Variants in SPATA22 observed in about 807,000 individuals in gnomAD.
SPATA22 encodes spermatogenesis-associated protein 22.
SPATA22 carries 29 observed loss-of-function variants against 47.8 expected under a neutral mutation model. The ratio of observed to expected loss-of-function variants is 0.61; its 90% CI spans 0.45 to 0.83. The LOEUF (loss-of-function observed/expected upper bound fraction) is 0.83. Among genes scored for constraint, SPATA22 ranks in the 40% least tolerant of loss-of-function variants. SPATA22 has a pLI of 0.00. For missense variants in SPATA22, 410 were observed against 421.7 expected (o/e 0.97, Z 0.24); for synonymous variants, 133 against 140.9 (o/e 0.94, Z 0.40).
intron 1 of SPATA22, among the ~76,000 whole-genome samples, chr17:3,496,794 C>CAT (rs2073914351): frequency 6.6e-6 from 1 of 152,006 alleles, no homozygotes; most frequent in East Asian, 1.9e-4. Flanking sequence ...TGGCCAGGAG[C>CAT]GGTGGCTCAC....
intron 3 of SPATA22, among the ~76,000 whole-genome samples, chr17:3,464,618 A>G (rs1597406506): frequency 3.2e-5 from 4 of 123,588 alleles, no homozygotes; most frequent in Non-Finnish European, 5.0e-5. Context: ...TGTGGGGAGC[A>G]CCTTTGCCCC....
upstream of SPATA22, among the ~76,000 whole-genome samples, chr17:3,475,037 CATTATAA>C (rs1423708675): frequency 6.6e-6 from 1 of 152,206 alleles, no homozygotes; most frequent in Non-Finnish European, 1.5e-5. Flanking sequence ...AGTGAAAGGA[CATTATAA>C]ATTAAACTCT....
chr17:3,474,956 G>A (rs190755472), upstream of SPATA22, among the ~76,000 whole-genome samples: 6 of 152,212 alleles, frequency 3.9e-5, no homozygotes, highest in East Asian at 1.9e-4. Flanking sequence ...CCTCTCTTTC[G>A]TTTACCCCTG....
At chr17:3,510,093 T>G (rs2074092706) in intron 1 of SPATA22, among the ~76,000 whole-genome samples, 1 of 152,160 alleles carries the variant, frequency 6.6e-6, no homozygotes, top group Non-Finnish European at 1.5e-5. Flanking sequence ...TGGCAAAAAT[T>G]TTTTCCTATT....
chr17:3,513,078 T>C (rs1425502223), intron 1 of SPATA22: 2 of 152,486 alleles, frequency 1.3e-5, no homozygotes, highest in Non-Finnish European at 1.5e-5. Context: ...CAGACTTTTG[T>C]GTGTGTGAAG....
In SPATA22 at chr17:3,503,676, G is replaced by A. The variant is rs577134980; in HGVS notation, c.-74+9736C>T. ...AATCTTCCCTTTTACAGTCTTTAAA[G>A]TTTCTAATTAGATGTGTGGTTGGTT... is the stretch of plus-strand genomic sequence containing the variant. On this transcript the variant is annotated intron_variant, in intron 1 of 8. Transcript: ENST00000541913. Among the ~76,000 whole-genome samples, 4 of 152,228 alleles carry A rather than the reference G, an allele frequency of 2.6e-5. No homozygotes were observed. In the South Asian group the frequency reaches 8.3e-4, roughly 32 times the overall value.
intron 1 of SPATA22, among the ~76,000 whole-genome samples, chr17:3,506,001 G>A (rs1003892476): frequency 2.6e-5 from 4 of 152,096 alleles, no homozygotes; most frequent in African/African-American, 4.8e-5. Flanking sequence ...CAGGTGATCC[G>A]CCCACCTTGG....
intron 1 of SPATA22, among the ~76,000 whole-genome samples, chr17:3,491,331 G>C (rs1285022708): frequency 6.6e-6 from 1 of 151,932 alleles, no homozygotes. Context: ...TTTCTGCCTT[G>C]AATAAACAAC....
At position 3,485,029 on chromosome 17, in the gene SPATA22, T is replaced by G. The variant is rs963038329; in HGVS notation, c.-73-15631A>C. On this transcript the variant is annotated intron_variant, in intron 1 of 8. Transcript: ENST00000541913. This position sits in a 1 kb window ranked among gnomAD's most constrained non-coding sequence, Gnocchi z 4.4. ...CATTCACAGTAGGGTTTTGTTTTGT[T>G]TTTTTTCTGGAAAAGGGTCTCACTC... Among the ~76,000 whole-genome samples the G allele has an allele frequency of 6.6e-6, 1 of 151,962 alleles. No individual in the cohort carries two copies. Among genetic ancestry groups the G allele is most frequent in the South Asian group, 2.1e-4 (1 of 4,820 alleles).
intron 1 of SPATA22, among the ~76,000 whole-genome samples, chr17:3,503,589 G>A (rs8077758): frequency 0.9 from 137,160 of 152,154 alleles, 62,713 homozygotes; most frequent in Non-Finnish European, 0.98. Context: ...AAAATTTACA[G>A]TGTACAATTT....
intron 1 of SPATA22, among the ~76,000 whole-genome samples, chr17:3,494,650 G>A (rs952836483): frequency 1.3e-5 from 2 of 152,148 alleles, no homozygotes; most frequent in Non-Finnish European, 2.9e-5. Flanking sequence ...TGCTGGCTGT[G>A]TGGACACACC....
rs149623006 is a variant in SPATA22 at position 3,496,849 on chromosome 17, G to A, written c.-74+16563C>T. On this transcript the variant is annotated intron_variant, in intron 1 of 8. Coordinates refer to the SPATA22 transcript ENST00000541913. Reference sequence around the variant, plus strand: ...TGGGAGGCCGAGGCGGGCGGATCACGCGGTCAGGAGATCGAGACCATCCTG... The same window carrying A: ...TGGGAGGCCGAGGCGGGCGGATCACACGGTCAGGAGATCGAGACCATCCTG... Among the ~76,000 whole-genome samples, 64 of 152,140 alleles carry A rather than the reference G, an allele frequency of 4.2e-4. No homozygotes were observed. The East Asian group carries it at 0.012, about 28-fold the overall frequency.
At chr17:3,489,438 A>C in intron 1 of SPATA22, 1 of 1,074,108 alleles carries the variant, frequency 9.3e-7, no homozygotes, top group South Asian at 1.3e-5. Context: ...AAAGATATGA[A>C]GTGCTTTTTA....
At chr17:3,452,506 T>G (rs2150707199) in intron 5 of SPATA22, among the ~76,000 whole-genome samples, 1 of 151,824 alleles carries the variant, frequency 6.6e-6, no homozygotes, top group East Asian at 1.9e-4. Flanking sequence ...ACAGGAGAAT[T>G]GCTTGAACCC....
chr17:3,468,443 ACT>A (rs2073359825), intron 2 of SPATA22: 1 of 152,174 alleles, frequency 6.6e-6, no homozygotes, highest in Non-Finnish European at 1.5e-5. Flanking sequence ...GCAAATACAG[ACT>A]CTGTGAACAG....
Position 3,467,538 on chromosome 17 carries a change from CG to C in SPATA22, c.59del (p.Pro20ArgfsTer13). On this transcript the variant is annotated frameshift_variant, in exon 3 of 9. Transcript: ENST00000572969. LOFTEE classifies it high-confidence loss of function. ...ARSTAGCLPV[P>X]LFNQKKRNRQ... ...TGTTCCTCTTTTTCTGATTGAACAA[CG>C]GAACAGGCAAACAGCCTAAATTGAA... 1.2e-6 allele frequency: 2 copies of C among 1,604,752 alleles called. No homozygotes were observed. Among genetic ancestry groups the C allele is most frequent in the Non-Finnish European group, 1.7e-6 (2 of 1,175,766 alleles).
intron 1 of SPATA22, among the ~76,000 whole-genome samples, chr17:3,470,927 A>G: frequency 6.6e-6 from 1 of 152,022 alleles, no homozygotes; most frequent in East Asian, 1.9e-4. Flanking sequence ...GGCCAAGGCA[A>G]GTGGGTCACC....
At chr17:3,458,079 T>A (rs12949205) in intron 5 of SPATA22, among the ~76,000 whole-genome samples, 35,604 of 152,044 alleles carry the variant, frequency 0.23, 4,443 homozygotes, top group East Asian at 0.42. Flanking sequence ...TATGTAACTG[T>A]TAAGTAGTTA....
intron 7 of SPATA22, among the ~76,000 whole-genome samples, chr17:3,444,829 A>G (rs2150695820): frequency 6.6e-6 from 1 of 152,268 alleles, no homozygotes; most frequent in East Asian, 1.9e-4. Flanking sequence ...ACTAAAGTGT[A>G]GTAAAATGAA....
Sources: gnomAD v4.1 joint callset for allele counts (sites outside exome capture counted in the v4.1 genomes callset) on GRCh38, gnomAD v4.1.1 for gene constraint, Gnocchi (gnomAD v3.1) non-coding constraint, MANE v1.5 for transcripts, NCBI Gene and HGNC (gene_info 2026-07-23, HGNC 2026-07-21) for gene names.